Variants in FBXL7 observed in about 807,000 individuals in gnomAD.
FBXL7 encodes F-box and leucine rich repeat protein 7.
Under a neutral mutation model 38.3 loss-of-function variants are expected in FBXL7, and 12 were observed. That is an observed-to-expected ratio of 0.31 (90% CI 0.20 to 0.51). The LOEUF (loss-of-function observed/expected upper bound fraction) is 0.51, where lower values mean the gene tolerates loss of function less well. Among genes scored for constraint, FBXL7 ranks in the 20% least tolerant of loss-of-function variants. The probability of loss-of-function intolerance (pLI) is 0.98; values close to 1 mark genes in which losing one functional copy is unlikely to be tolerated. For synonymous variants in FBXL7, 297 were observed against 300.9 expected, an observed-to-expected ratio of 0.99 and a Z score of 0.13; for missense variants, 567 against 676.4, an observed-to-expected ratio of 0.84 and a Z score of 1.79.
chr5:15,884,238 G>C (rs1157840955), intron 2 of FBXL7, among the ~76,000 whole-genome samples: 1 of 144,372 alleles, frequency 6.9e-6, no homozygotes, highest in African/African-American at 2.6e-5. Flanking sequence ...AATACTATGG[G>C]ATCAGGGAAT....
At chr5:15,769,457 A>G (rs2126708850) in intron 2 of FBXL7, among the ~76,000 whole-genome samples, 1 of 152,328 alleles carries the variant, frequency 6.6e-6, no homozygotes, top group East Asian at 1.9e-4. Flanking sequence ...TTTATTTTCT[A>G]GACTTTCTCT....
Position 15,939,317 on chromosome 5 carries a change from T to C in FBXL7, c.*2131T>C, listed in dbSNP as rs947283970. ...GTGACCCTATTTGAAGTTTCAGGAT[T>C]TGGGTGTCACAAAGGATTGTCCCTA... On this transcript the variant is annotated 3_prime_UTR_variant, in exon 4 of 4. Coordinates refer to ENST00000504595, the MANE Select transcript of FBXL7 (RefSeq NM_012304.5). 4 of 339,156 alleles carry C rather than the reference T, an allele frequency of 1.2e-5. No homozygotes were observed. Among genetic ancestry groups the C allele is most frequent in the African/African-American group, 8.4e-5 (4 of 47,428 alleles). 21.0% of individuals were successfully genotyped at this position (339,156 alleles called of 1,614,324 possible).
intron 1 of FBXL7, among the ~76,000 whole-genome samples, chr5:15,519,453 A>AAAAC (rs764076171): frequency 1.4e-5 from 2 of 146,232 alleles, no homozygotes; most frequent in Non-Finnish European, 2.9e-5. Flanking sequence ...ACAAAAAAAA[A>AAAAC]AAACAAACAA....
intron 2 of FBXL7, among the ~76,000 whole-genome samples, chr5:15,633,054 A>G (rs1047292492): frequency 1.3e-5 from 2 of 152,210 alleles, no homozygotes; most frequent in African/African-American, 4.8e-5. Flanking sequence ...TGATGTGGGA[A>G]AATATTTCTA....
chr5:15,746,234 A>C (rs542231411), intron 2 of FBXL7, among the ~76,000 whole-genome samples: 1 of 152,232 alleles, frequency 6.6e-6, no homozygotes, highest in African/African-American at 2.4e-5. Flanking sequence ...ACTTCTAGAC[A>C]TGTTACCTGT....
intron 2 of FBXL7, among the ~76,000 whole-genome samples, chr5:15,739,686 T>G (rs1328145886): frequency 6.6e-6 from 1 of 152,230 alleles, no homozygotes; most frequent in Non-Finnish European, 1.5e-5. Flanking sequence ...AAGGTTCATT[T>G]ATGTTGCAGC....
chr5:15,666,381 T>C (rs190897667), intron 2 of FBXL7, among the ~76,000 whole-genome samples: 15 of 152,338 alleles, frequency 9.8e-5, no homozygotes, highest in Admixed American at 3.9e-4. Context: ...ATCTGCACTA[T>C]CTACTATATT....
At chr5:15,622,972 T>G (rs1214281572) in intron 2 of FBXL7, among the ~76,000 whole-genome samples, 5 of 152,202 alleles carry the variant, frequency 3.3e-5, no homozygotes, top group Non-Finnish European at 5.9e-5. Context: ...CCCAAAGTGC[T>G]GGGATTACAG....
intron 2 of FBXL7, among the ~76,000 whole-genome samples, chr5:15,829,973 G>A (rs899829529): frequency 1.3e-5 from 2 of 152,046 alleles, no homozygotes; most frequent in Admixed American, 6.5e-5. Flanking sequence ...ATCTTGAGAC[G>A]TACCCAGAGA....
At chr5:15,647,871 T>G (rs573069445) in intron 2 of FBXL7, among the ~76,000 whole-genome samples, 1 of 152,204 alleles carries the variant, frequency 6.6e-6, no homozygotes, top group Non-Finnish European at 1.5e-5. Flanking sequence ...CCCAAGCCCA[T>G]GCAGCTGACA....
At position 15,846,466 on chromosome 5, in the gene FBXL7, G is replaced by A. The variant is rs577225359; in HGVS notation, c.128-81424G>A. Among the ~76,000 whole-genome samples the A allele has an allele frequency of 2.6e-5, 4 of 152,326 alleles. No individual in the cohort carries two copies. In the South Asian group the frequency reaches 8.3e-4, roughly 32 times the overall value. On this transcript the variant is annotated intron_variant, in intron 2 of 3. Coordinates refer to ENST00000504595, the MANE Select transcript of FBXL7 (RefSeq NM_012304.5). The stretch of plus-strand genomic sequence containing the variant: ...TGAGCAAACAGCAATTTATGAATCA[G>A]GTAGCTCCAAGCCAGAAGATGTTCT...
At chr5:15,821,868 T>C (rs1167519440) in intron 2 of FBXL7, among the ~76,000 whole-genome samples, 1 of 152,166 alleles carries the variant, frequency 6.6e-6, no homozygotes, top group Non-Finnish European at 1.5e-5. Flanking sequence ...CTTATCCTTA[T>C]GGTGCCTGAA....
At chr5:15,573,526 T>TTAATAATGGTGATG (rs1738857589) in intron 1 of FBXL7, among the ~76,000 whole-genome samples, 1 of 152,190 alleles carries the variant, frequency 6.6e-6, no homozygotes, top group African/African-American at 2.4e-5. Context: ...ATGGTGATGT[T>TTAATAATGGTGATG]GGCCGAAGAA....
chr5:15,806,064 A>T (rs1010994641), intron 2 of FBXL7, among the ~76,000 whole-genome samples: 1 of 152,240 alleles, frequency 6.6e-6, no homozygotes, highest in African/African-American at 2.4e-5. Context: ...AGATCATCTA[A>T]TCCAACCCTA....
At chr5:15,874,496 A>G (rs919302617) in intron 2 of FBXL7, among the ~76,000 whole-genome samples, 2 of 152,218 alleles carry the variant, frequency 1.3e-5, no homozygotes, top group African/African-American at 4.8e-5. Flanking sequence ...TGCAGATGAC[A>G]TGATTTTATA....
chr5:15,562,580 T>C (rs904032084), intron 1 of FBXL7, among the ~76,000 whole-genome samples: 1 of 152,080 alleles, frequency 6.6e-6, no homozygotes, highest in Admixed American at 6.6e-5. Flanking sequence ...GAATTGCCCA[T>C]GTTGCAGCCT....
intron 2 of FBXL7, among the ~76,000 whole-genome samples, chr5:15,685,640 G>A (rs1356335531): frequency 6.6e-6 from 1 of 152,182 alleles, no homozygotes; most frequent in Non-Finnish European, 1.5e-5. Flanking sequence ...AGGCAGAACT[G>A]AGTTCAGGTC....
At chr5:15,513,671 G>A (rs562243115) in intron 1 of FBXL7, among the ~76,000 whole-genome samples, 1 of 152,338 alleles carries the variant, frequency 6.6e-6, no homozygotes, top group South Asian at 2.1e-4. Flanking sequence ...TGAAGTGCCA[G>A]ATGTCAATGC....
chr5:15,559,454 T>C (rs1738346894), intron 1 of FBXL7, among the ~76,000 whole-genome samples: 1 of 152,136 alleles, frequency 6.6e-6, no homozygotes, highest in South Asian at 2.1e-4. Flanking sequence ...GTAGTATAAT[T>C]TCCTTATATT....
Sources: gnomAD v4.1 joint callset for allele counts (sites outside exome capture counted in the v4.1 genomes callset) on GRCh38, gnomAD v4.1.1 for gene constraint, MANE v1.5 for transcripts, NCBI Gene and HGNC (gene_info 2026-07-23, HGNC 2026-07-21) for gene names.